The following TBCA variants were observed in gnomAD, a reference collection of about 807,000 sequenced individuals.
The protein encoded by TBCA is tubulin-specific chaperone A.
In TBCA, 6 loss-of-function variants were observed where a neutral mutation model predicts 15.8. The observed-to-expected ratio is 0.38, with a 90% CI of 0.21 to 0.75. TBCA has a LOEUF of 0.75. Ranked by LOEUF, TBCA falls within the 30% of genes least tolerant of loss-of-function variation. The pLI is 0.46. For synonymous variants in TBCA, 32 were observed against 42.3 expected, an observed-to-expected ratio of 0.76 and a Z score of 0.94; for missense variants, 90 against 131.2, an observed-to-expected ratio of 0.69 and a Z score of 1.53.
intron 2 of TBCA, among the ~76,000 whole-genome samples, chr5:77,703,464 C>T (rs568266102): frequency 3.4e-4 from 51 of 152,178 alleles, no homozygotes; most frequent in Non-Finnish European, 4.7e-4. Flanking sequence ...ATTTGAATGA[C>T]GTGTTATATT....
rs78020846 is a variant in TBCA at position 77,715,723 on chromosome 5, T to A, written c.54-7376A>T. ...TGCCTAGAACACAATAAGCAGTTAA[T>A]AACATTTAGTTTAAGAAAAAACATG... is the stretch of plus-strand genomic sequence containing the variant. On this transcript the variant is annotated intron_variant, in intron 1 of 3. Transcript: ENST00000380377. Among the ~76,000 whole-genome samples, 13 of 152,286 alleles carry A rather than the reference T, an allele frequency of 8.5e-5. No homozygotes were observed. The East Asian group carries it at 2.1e-3, about 25-fold the overall frequency.
intron 2 of TBCA, among the ~76,000 whole-genome samples, chr5:77,702,873 T>C (rs1179657654): frequency 1.3e-5 from 2 of 152,198 alleles, no homozygotes; most frequent in Non-Finnish European, 2.9e-5. Context: ...TTTTCTTGGA[T>C]GATTGTAAGT....
At chr5:77,703,746 T>G (rs1746077655) in intron 2 of TBCA, among the ~76,000 whole-genome samples, 1 of 152,080 alleles carries the variant, frequency 6.6e-6, no homozygotes, top group South Asian at 2.1e-4. Context: ...CCCAGCTAAT[T>G]TTTTGTATCC....
At chr5:77,704,187 T>C (rs1746091821) in intron 2 of TBCA, among the ~76,000 whole-genome samples, 1 of 152,044 alleles carries the variant, frequency 6.6e-6, no homozygotes, top group African/African-American at 2.4e-5. Context: ...CCCAGGCTAG[T>C]CTCAAATTCT....
chr5:77,739,779 AAAAC>A (rs1746991445), intron 1 of TBCA, among the ~76,000 whole-genome samples: 1 of 152,216 alleles, frequency 6.6e-6, no homozygotes, highest in Non-Finnish European at 1.5e-5. Context: ...GGCCTTACCA[AAAAC>A]AAACAAACAA....
chr5:77,742,520 TA>T (rs753666002), intron 1 of TBCA, among the ~76,000 whole-genome samples: 17 of 152,316 alleles, frequency 1.1e-4, no homozygotes, highest in Non-Finnish European at 1.8e-4. Context: ...TTTTTTATTG[TA>T]AAGAAAAGAA....
chr5:77,728,137 T>C (rs1283467758), intron 1 of TBCA, among the ~76,000 whole-genome samples: 1 of 152,058 alleles, frequency 6.6e-6, no homozygotes, highest in East Asian at 1.9e-4. Flanking sequence ...AATAAAGAGA[T>C]TATAAATATT....
intron 1 of TBCA, among the ~76,000 whole-genome samples, chr5:77,768,781 CATT>C (rs1256600024): frequency 1.3e-5 from 2 of 152,090 alleles, no homozygotes; most frequent in African/African-American, 4.8e-5. Context: ...CACAATAGAA[CATT>C]ATTATATTCT....
In TBCA at chr5:77,728,149, T is replaced by G. The variant is rs189404271; in HGVS notation, c.54-19802A>C. Reference sequence around the variant, plus strand: ...TGGAATAAAGAGATTATAAATATTTTTATTAGAATAATACATTTCAAAACT... The same window carrying G: ...TGGAATAAAGAGATTATAAATATTTGTATTAGAATAATACATTTCAAAACT... On this transcript the variant is annotated intron_variant, in intron 1 of 3. Transcript: ENST00000380377. Among the ~76,000 whole-genome samples the G allele has an allele frequency of 2.0e-5, 3 of 152,254 alleles. No individual in the cohort carries two copies. In the East Asian group the frequency reaches 5.8e-4, roughly 29 times the overall value.
chr5:77,759,190 A>G (rs1416525267), intron 1 of TBCA, among the ~76,000 whole-genome samples: 3 of 152,196 alleles, frequency 2.0e-5, no homozygotes, highest in Non-Finnish European at 4.4e-5. Flanking sequence ...GACAAATCAA[A>G]GAGCGGGGAC....
intron 1 of TBCA, among the ~76,000 whole-genome samples, chr5:77,750,635 G>GT (rs1320997753): frequency 6.6e-6 from 1 of 152,158 alleles, no homozygotes; most frequent in Non-Finnish European, 1.5e-5. Context: ...GAAAAAAATA[G>GT]TAAGAGGCAC....
chr5:77,763,252 T>A (rs564645252), intron 1 of TBCA, among the ~76,000 whole-genome samples: 21 of 151,660 alleles, frequency 1.4e-4, no homozygotes, highest in African/African-American at 2.4e-4. Flanking sequence ...TCAAAAAAAA[T>A]AAATAAATAA....
chr5:77,707,919 T>C (rs1042384918), intron 2 of TBCA, among the ~76,000 whole-genome samples: 2 of 152,076 alleles, frequency 1.3e-5, no homozygotes, highest in Non-Finnish European at 2.9e-5. Context: ...TTTAGAGAGT[T>C]GAGGTGGGAG....
chr5:77,701,586 T>C (rs1019409052), intron 2 of TBCA, among the ~76,000 whole-genome samples: 2 of 150,544 alleles, frequency 1.3e-5, no homozygotes, highest in East Asian at 2.0e-4. Flanking sequence ...ATGAAAAAGA[T>C]ACTTGCACAC....
rs58679612 is a variant in TBCA, at chr5:77,701,682, C to CATAT, written c.159+6556_159+6559dup. Among the ~76,000 whole-genome samples the CATAT allele has an allele frequency of 5.9e-3, 302 of 50,932 alleles. 8 individuals carry two copies. Among genetic ancestry groups the CATAT allele is most frequent in the Middle Eastern group, 0.015 (1 of 66 alleles). 33.4% of individuals were successfully genotyped at this position (50,932 alleles called of 152,430 possible). ...CAACAAGTGGATAAACTGTGGCATG[C>CATAT]ATATATATATATATATATATATATA... On this transcript the variant is annotated intron_variant, in intron 2 of 3. Transcript: ENST00000380377.
chr5:77,734,859 C>T (rs13186497), intron 1 of TBCA, among the ~76,000 whole-genome samples: 48,374 of 152,086 alleles, frequency 0.32, 9,045 homozygotes, highest in Non-Finnish European at 0.42. Flanking sequence ...CCCCATCCTT[C>T]AGCAACCACC....
intron 1 of TBCA, among the ~76,000 whole-genome samples, chr5:77,749,347 T>C (rs1192575876): frequency 6.6e-6 from 1 of 152,216 alleles, no homozygotes; most frequent in Non-Finnish European, 1.5e-5. Flanking sequence ...ATCTTTACAC[T>C]TGTTTACATT....
chr5:77,705,224 G>A (rs923754741), intron 2 of TBCA, among the ~76,000 whole-genome samples: 7 of 152,094 alleles, frequency 4.6e-5, no homozygotes, highest in African/African-American at 1.7e-4. Flanking sequence ...TCTACTCCAT[G>A]TAACTGATAA....
At chr5:77,731,735 T>A (rs1196432216) in intron 1 of TBCA, among the ~76,000 whole-genome samples, 1 of 152,128 alleles carries the variant, frequency 6.6e-6, no homozygotes, top group Non-Finnish European at 1.5e-5. Context: ...CCTAGAAAAA[T>A]TTTATTTTAT....
Sources: gnomAD v4.1 joint callset for allele counts (sites outside exome capture counted in the v4.1 genomes callset) on GRCh38, gnomAD v4.1.1 for gene constraint, MANE v1.5 for transcripts, NCBI Gene and HGNC (gene_info 2026-07-23, HGNC 2026-07-21) for gene names.